Variants in FAM193A observed in about 807,000 individuals in gnomAD.
FAM193A encodes the protein protein FAM193A.
Under a neutral mutation model 126.5 loss-of-function variants are expected in FAM193A, and 22 were observed. That is an observed-to-expected ratio of 0.17 (90% CI 0.12 to 0.25). FAM193A has a LOEUF of 0.25. Among genes scored for constraint, FAM193A ranks in the 10% least tolerant of loss-of-function variants. The pLI is 1.00. For synonymous variants in FAM193A, 761 were observed against 646.8 expected, an observed-to-expected ratio of 1.18 and a Z score of -2.68; for missense variants, 1,675 against 1,672.8, an observed-to-expected ratio of 1.00 and a Z score of -0.02.
intron 4 of FAM193A, among the ~76,000 whole-genome samples, chr4:2,627,126 A>G (rs1485226897): frequency 6.6e-6 from 1 of 151,118 alleles, no homozygotes; most frequent in Non-Finnish European, 1.5e-5. Context: ...TGAGGTGGCC[A>G]TAATTTTTAT....
chr4:2,628,175 C>T (rs997012917), intron 4 of FAM193A, among the ~76,000 whole-genome samples: 59 of 152,178 alleles, frequency 3.9e-4, no homozygotes, highest in African/African-American at 1.3e-3. Context: ...TGAGCCACCG[C>T]GCCCCGCCGG....
At chr4:2,624,391 G>GC (rs1299981022) in intron 2 of FAM193A, among the ~76,000 whole-genome samples, 18 of 152,152 alleles carry the variant, frequency 1.2e-4, no homozygotes, top group Admixed American at 5.9e-4. Flanking sequence ...TGATCCGCCT[G>GC]CCTCGGCCTC....
At position 2,693,732 on chromosome 4, in the gene FAM193A, C is replaced by T. The variant is rs1716689371; in HGVS notation, c.2950C>T (p.His984Tyr). The T allele has an allele frequency of 6.2e-7, 1 of 1,614,132 alleles. No homozygotes were observed. Among genetic ancestry groups the T allele is most frequent in the Non-Finnish European group, 8.5e-7 (1 of 1,180,060 alleles). ...TGCGCTCTCACCTGCCTCCACACCT[C>T]ACCTTGCAAATCTTGCAGCCCCATC... ...PAALSPASTP[H>Y]LANLAAPSFP... The change falls in exon 16 of 21, where the codon CAC becomes TAC. Residue 984 changes from histidine to tyrosine, a missense_variant. Physicochemically the swap from His to Tyr is moderately conservative, Grantham distance 83 (BLOSUM62 2). This residue lies in a region of FAM193A where 1,186 missense variants were observed against 1,109.2 expected (regional missense o/e 1.07). Coordinates refer to ENST00000637812, the MANE Select transcript of FAM193A (RefSeq NM_001366318.2).
chr4:2,679,375 C>CTTTCTTTTT (rs1233397336), intron 13 of FAM193A, among the ~76,000 whole-genome samples: 5 of 87,844 alleles, frequency 5.7e-5, no homozygotes, highest in African/African-American at 2.0e-4. Flanking sequence ...AGTTTTCTTT[C>CTTTCTTTTT]TTTTTTTTTT....
chr4:2,539,502 C>T (rs1737093135), intron 1 of FAM193A, among the ~76,000 whole-genome samples: 2 of 151,820 alleles, frequency 1.3e-5, no homozygotes, highest in South Asian at 4.2e-4. Context: ...CTCACTGTAA[C>T]CTCCAATTTC....
chr4:2,729,054 A>T (rs1420313973), intron 20 of FAM193A, among the ~76,000 whole-genome samples: 1 of 152,002 alleles, frequency 6.6e-6, no homozygotes, highest in African/African-American at 2.4e-5. Context: ...CAGGGATGTC[A>T]GGTGACCATC....
In FAM193A at chr4:2,596,239, C is replaced by T. The variant is rs1359614720; in HGVS notation, c.411C>T (p.Asn137=). ...CCCTTTCCATGGCTCCCAAGGGCAA[C>T]AGCGTGCTGCACCTGCCACTGTGGG... is the stretch of plus-strand genomic sequence containing the variant. ...KLALSMAPKG[N]SVLHLPLWVC... Residue 137 remains asparagine (N), a synonymous_variant, in exon 2 of 21, where the codon AAC becomes AAT. Transcript: ENST00000637812. The T allele has an allele frequency of 1.4e-6, 1 of 703,016 alleles. No individual in the cohort carries two copies. Among genetic ancestry groups the T allele is most frequent in the Non-Finnish European group, 2.6e-6 (1 of 385,000 alleles). The allele number at this position is 703,016 out of a possible 1,614,324, so 43.5% of individuals were successfully genotyped here.
intron 2 of FAM193A, among the ~76,000 whole-genome samples, chr4:2,601,550 A>G (rs1374137902): frequency 2.0e-5 from 3 of 150,854 alleles, no homozygotes; most frequent in South Asian, 2.1e-4. Flanking sequence ...TTTATTTCTC[A>G]TATTTGTGCC....
intron 14 of FAM193A, 91 bp from the exon 15 acceptor site, chr4:2,690,607 G>A (rs970129508): frequency 4.2e-6 from 5 of 1,197,020 alleles, no homozygotes; most frequent in South Asian, 3.0e-5. Flanking sequence ...AGCACCCCCA[G>A]TATCAAGTGT....
chr4:2,662,613 G>A (rs987594656), intron 10 of FAM193A, among the ~76,000 whole-genome samples: 2 of 152,198 alleles, frequency 1.3e-5, no homozygotes, highest in South Asian at 2.1e-4. Flanking sequence ...TTTTCTGTTT[G>A]TTTTTTGTTT....
In FAM193A at chr4:2,725,231, C is replaced by G. The variant is rs569410024; in HGVS notation, c.4455-6544C>G. Among the ~76,000 whole-genome samples the G allele has an allele frequency of 2.0e-5, 3 of 151,804 alleles. No homozygotes were observed. The South Asian group carries it at 6.2e-4, about 32-fold the overall frequency. On this transcript the variant is annotated intron_variant, in intron 20 of 20. Coordinates refer to ENST00000637812, the MANE Select transcript of FAM193A (RefSeq NM_001366318.2). ...AACTATATATATATGTATGTATATACACACACATATATATGGTGCTTGCCT... is the reference window on the plus strand; with the variant it reads ...AACTATATATATATGTATGTATATAGACACACATATATATGGTGCTTGCCT...
intron 1 of FAM193A, among the ~76,000 whole-genome samples, chr4:2,594,786 T>C (rs1740757259): frequency 6.6e-6 from 1 of 151,014 alleles, no homozygotes; most frequent in Non-Finnish European, 1.5e-5. Flanking sequence ...TCCAGTTGTG[T>C]GAGACTCAGT....
intron 17 of FAM193A, 89 bp downstream of exon 17, chr4:2,695,218 G>A: frequency 8.9e-7 from 1 of 1,121,284 alleles, no homozygotes; most frequent in Non-Finnish European, 1.2e-6. Flanking sequence ...TTGAATTCGG[G>A]GTATATTCCA....
Position 2,731,956 on chromosome 4 carries a change from G to A in FAM193A, c.*88G>A, listed in dbSNP as rs1018290602. 11 of 1,033,448 alleles carry A rather than the reference G, an allele frequency of 1.1e-5. No individual in the cohort carries two copies. The highest frequency in any genetic ancestry group is 6.3e-5 in the South Asian group (5 of 78,848). 64.0% of individuals were successfully genotyped at this position (1,033,448 alleles called of 1,614,324 possible). A position where few individuals can be genotyped will look rare whatever the true frequency, so the allele number is the denominator to read the frequency against. Reference sequence around the variant, plus strand: ...CGCCCCTCGCTGGCGCCCCAGAGCCGTGGTGCTTGCCAAGGGCTGTGCGGA... The same window carrying A: ...CGCCCCTCGCTGGCGCCCCAGAGCCATGGTGCTTGCCAAGGGCTGTGCGGA... On this transcript the variant is annotated 3_prime_UTR_variant, in exon 21 of 21. Coordinates refer to ENST00000637812, the MANE Select transcript of FAM193A (RefSeq NM_001366318.2).
intron 1 of FAM193A, among the ~76,000 whole-genome samples, chr4:2,554,640 C>T (rs1302264635): frequency 6.6e-6 from 1 of 151,854 alleles, no homozygotes; most frequent in African/African-American, 2.4e-5. Context: ...GAGTTTTTGT[C>T]TACTAGTTCT....
At chr4:2,699,011 C>T (rs1265695038) in intron 18 of FAM193A, among the ~76,000 whole-genome samples, 1 of 152,172 alleles carries the variant, frequency 6.6e-6, no homozygotes, top group East Asian at 1.9e-4. Context: ...GATTCTCAAA[C>T]CTCAGCTTCC....
chr4:2,611,434 A>G (rs1424755351), intron 2 of FAM193A, among the ~76,000 whole-genome samples: 1 of 151,028 alleles, frequency 6.6e-6, no homozygotes. Flanking sequence ...ATGCATAGTT[A>G]ATTTTTTTTT....
At chr4:2,613,899 C>T (rs1038009786) in intron 2 of FAM193A, among the ~76,000 whole-genome samples, 9 of 151,938 alleles carry the variant, frequency 5.9e-5, no homozygotes, top group Admixed American at 5.2e-4. Flanking sequence ...CTCAGCTTCC[C>T]GAGTAGCTGG....
At chr4:2,633,577 A>G (rs1190146647) in intron 5 of FAM193A, among the ~76,000 whole-genome samples, 1 of 151,810 alleles carries the variant, frequency 6.6e-6, no homozygotes, top group African/African-American at 2.4e-5. Context: ...CCTCCAAGGG[A>G]AACAACTGAA....
Sources: allele counts gnomAD v4.1 joint callset (sites outside exome capture counted in the v4.1 genomes callset), GRCh38; gene constraint gnomAD v4.1.1; regional missense constraint gnomAD v4.1.1; transcripts MANE v1.5; gene names NCBI Gene and HGNC (gene_info 2026-07-23, HGNC 2026-07-21).